Variants in TCF4 observed in about 807,000 individuals in gnomAD.
The protein encoded by TCF4 is transcription factor 4, also known as SL3-3 enhancer factor 2.
Under a neutral mutation model 82.1 loss-of-function variants are expected in TCF4, and 3 were observed. The ratio of observed to expected loss-of-function variants is 0.04; its 90% CI spans 0.02 to 0.09. TCF4 has a LOEUF of 0.09. TCF4 is among the 10% of genes least tolerant of loss of function. The pLI is 1.00. For missense variants in TCF4, 518 were observed against 852.7 expected (o/e 0.61, Z 4.89); for synonymous variants, 276 against 309.6 (o/e 0.89, Z 1.14).
intron 6 of TCF4, among the ~76,000 whole-genome samples, chr18:55,364,010 C>T (rs1330033641): frequency 2.0e-5 from 3 of 151,900 alleles, no homozygotes; most frequent in Admixed American, 6.6e-5. Context: ...TGAAATTTGG[C>T]AATAAATATA....
At chr18:55,365,312 T>C (rs2086726735) in intron 6 of TCF4, among the ~76,000 whole-genome samples, 1 of 149,604 alleles carries the variant, frequency 6.7e-6, no homozygotes, top group African/African-American at 2.5e-5. Context: ...TTAGCAGATG[T>C]GTAGATTCTC....
At chr18:55,498,698 G>C (rs1429436634) in intron 3 of TCF4, among the ~76,000 whole-genome samples, 3 of 152,102 alleles carry the variant, frequency 2.0e-5, no homozygotes, top group African/African-American at 7.2e-5. Flanking sequence ...GAACCTCAGG[G>C]GCTCCGTCTA....
intron 8 of TCF4, among the ~76,000 whole-genome samples, chr18:55,305,162 G>T (rs1039708582): frequency 6.6e-6 from 1 of 152,056 alleles, no homozygotes; most frequent in African/African-American, 2.4e-5. Flanking sequence ...TGGAATTGTC[G>T]TCTTCCTCCC....
At chr18:55,308,480 T>C (rs953445603) in intron 8 of TCF4, among the ~76,000 whole-genome samples, 4 of 152,198 alleles carry the variant, frequency 2.6e-5, no homozygotes, top group Non-Finnish European at 5.9e-5. Flanking sequence ...CTCGGGAGCA[T>C]TCTACCCAAA....
At chr18:55,272,480 C>G (rs1257764127) in intron 10 of TCF4, among the ~76,000 whole-genome samples, 1 of 152,054 alleles carries the variant, frequency 6.6e-6, no homozygotes, top group African/African-American at 2.4e-5. Context: ...TACATGCCCA[C>G]TATTCGTTCA....
intron 8 of TCF4, among the ~76,000 whole-genome samples, chr18:55,323,812 T>C (rs2076112505): frequency 2.0e-5 from 3 of 152,228 alleles, no homozygotes; most frequent in Admixed American, 6.5e-5. Context: ...TTCTTTGTTG[T>C]TTCTTCCCTT....
At chr18:55,498,290 G>A (rs188073188) in intron 3 of TCF4, among the ~76,000 whole-genome samples, 14 of 152,270 alleles carry the variant, frequency 9.2e-5, no homozygotes, top group African/African-American at 2.4e-4. Flanking sequence ...GATGGCCCTC[G>A]CCTTACACAA....
intron 2 of TCF4, among the ~76,000 whole-genome samples, chr18:55,603,858 T>G (rs2097699718): frequency 6.6e-6 from 1 of 152,158 alleles, no homozygotes; most frequent in African/African-American, 2.4e-5. Context: ...GAACAATTCC[T>G]CCTGAGGAGA....
intron 5 of TCF4, among the ~76,000 whole-genome samples, chr18:55,429,299 C>T (rs944184204): frequency 2.0e-5 from 3 of 152,184 alleles, no homozygotes; most frequent in Admixed American, 1.3e-4. Context: ...TTTGTGGGTC[C>T]CCACAGAAGT....
chr18:55,533,457 G>A (rs900250280), intron 3 of TCF4, among the ~76,000 whole-genome samples: 1 of 152,160 alleles, frequency 6.6e-6, no homozygotes, highest in Non-Finnish European at 1.5e-5. Context: ...CTGAGAGGGT[G>A]GGTTCTCTGG....
At chr18:55,358,372 A>ACTCC (rs1300533647) in intron 6 of TCF4, among the ~76,000 whole-genome samples, 1 of 152,214 alleles carries the variant, frequency 6.6e-6, no homozygotes, top group Non-Finnish European at 1.5e-5. Flanking sequence ...TAGTATGAGG[A>ACTCC]GGAGGATGGG....
intron 3 of TCF4, among the ~76,000 whole-genome samples, chr18:55,507,020 G>A (rs1442865479): frequency 2.0e-5 from 3 of 151,904 alleles, no homozygotes; most frequent in Non-Finnish European, 2.9e-5. Flanking sequence ...CCACCACCAC[G>A]TCTGGCTAAT....
At chr18:55,324,999 C>G (rs1429763318) in intron 8 of TCF4, among the ~76,000 whole-genome samples, 1 of 152,154 alleles carries the variant, frequency 6.6e-6, no homozygotes, top group Non-Finnish European at 1.5e-5. Context: ...GCAGAACTGA[C>G]AACACACACA....
chr18:55,275,468 T>C, intron 10 of TCF4, 151 bp downstream of exon 10: 1 of 1,003,908 alleles, frequency 1.0e-6, no homozygotes. Context: ...TGTTATGTCT[T>C]TGATCACAGA....
At chr18:55,413,394 A>G (rs1159982277) in intron 5 of TCF4, among the ~76,000 whole-genome samples, 1 of 152,144 alleles carries the variant, frequency 6.6e-6, no homozygotes, top group Non-Finnish European at 1.5e-5. Context: ...AGGAAGACAA[A>G]GAGTAGGAAG....
chr18:55,347,805 A>G (rs1415937817), intron 8 of TCF4, among the ~76,000 whole-genome samples: 1 of 152,184 alleles, frequency 6.6e-6, no homozygotes, highest in Non-Finnish European at 1.5e-5. Flanking sequence ...AGTTGCCACA[A>G]CAGATTGTGA....
Position 55,229,067 on chromosome 18 carries a change from G to C in TCF4, c.1659C>G (p.Asp553Glu). ...SITRSRSSNN[D>E]DEDLTPEQKA... ...TCTGCTCTGGTGTCAGGTCCTCATC[G>C]TCATTATTGCTGTGGGACAAAAGGG... The change falls in exon 18 of 20, where the codon GAC becomes GAG. Residue 553 changes from aspartate to glutamate, a missense_variant. Around this residue, in one of 7 missense-constraint regions of TCF4, gnomAD observed 144 missense variants for 190.2 expected, o/e 0.76. Transcript: ENST00000354452. 1 of 1,614,056 alleles carries C rather than the reference G, an allele frequency of 6.2e-7. No individual in the cohort carries two copies. The highest frequency in any genetic ancestry group is 1.1e-5 in the South Asian group (1 of 91,082).
At chr18:55,252,717 A>C (rs1462428205) in intron 15 of TCF4, among the ~76,000 whole-genome samples, 1 of 152,234 alleles carries the variant, frequency 6.6e-6, no homozygotes, top group African/African-American at 2.4e-5. Context: ...CATCCGTTTA[A>C]CATATGCAAA....
chr18:55,492,549 T>G (rs1046923274), intron 3 of TCF4, among the ~76,000 whole-genome samples: 15 of 152,212 alleles, frequency 9.9e-5, no homozygotes, highest in African/African-American at 3.6e-4. Flanking sequence ...CTACACTACC[T>G]TTAAAGCATT....
Sources: gnomAD v4.1 joint callset for allele counts (sites outside exome capture counted in the v4.1 genomes callset) on GRCh38, gnomAD v4.1.1 for gene constraint, gnomAD v4.1.1 regional missense constraint, MANE v1.5 for transcripts, NCBI Gene and HGNC (gene_info 2026-07-23, HGNC 2026-07-21) for gene names.